Variants in LMX1A observed in about 807,000 individuals in gnomAD.
LMX1A encodes the protein LIM homeobox transcription factor 1-alpha.
LMX1A carries 15 observed loss-of-function variants against 49.1 expected under a neutral mutation model. That is an observed-to-expected ratio of 0.31 (90% confidence interval 0.20 to 0.47). The LOEUF is 0.47. LMX1A is among the 20% of genes least tolerant of loss of function. The pLI is 1.00. For missense variants in LMX1A, 372 were observed against 475.8 expected, an observed-to-expected ratio of 0.78 and a Z score of 2.03; for synonymous variants, 167 against 185.7, an observed-to-expected ratio of 0.90 and a Z score of 0.82.
intron 3 of LMX1A, 29 bp from the exon 4 acceptor site, chr1:165,249,669 C>A: frequency 6.3e-7 from 1 of 1,576,044 alleles, no homozygotes; most frequent in Non-Finnish European, 8.7e-7. Context: ...GAAGTACATG[C>A]ACCATGAGTA....
intron 3 of LMX1A, among the ~76,000 whole-genome samples, chr1:165,340,857 A>G (rs774442362): frequency 1.3e-5 from 2 of 152,004 alleles, no homozygotes; most frequent in African/African-American, 4.8e-5. Context: ...TTCTCTCTTT[A>G]TCACCCCTTT....
At position 165,355,801 on chromosome 1, in the gene LMX1A, A is replaced by C; in HGVS notation, c.-22-220T>G. 1.9e-6 allele frequency: 1 copy of C among 531,972 alleles called. No homozygotes were observed. The highest frequency in any genetic ancestry group is 3.3e-6 in the Non-Finnish European group (1 of 300,128). 33.0% of individuals were successfully genotyped at this position (531,972 alleles called of 1,614,324 possible). ...TTCACTTGAAGTCAACACGTTATGT[A>C]CTTAGGCCTCCGCCCCCCAACTGCG... On this transcript the variant is annotated intron_variant, in intron 1 of 8. Coordinates refer to ENST00000342310, the MANE Select transcript of LMX1A (RefSeq NM_177398.4). The surrounding 1 kb of genome is among the most constrained non-coding windows in gnomAD (Gnocchi z 4.7).
intron 3 of LMX1A, among the ~76,000 whole-genome samples, chr1:165,332,922 C>T (rs2101753994): frequency 6.6e-6 from 1 of 152,288 alleles, no homozygotes; most frequent in Non-Finnish European, 1.5e-5. Context: ...GTCTTACACA[C>T]AAAGCAGCTG....
At chr1:165,207,342 C>G (rs1651131284) in intron 7 of LMX1A, 1 of 152,080 alleles carries the variant, frequency 6.6e-6, no homozygotes, top group African/African-American at 2.4e-5. Context: ...CATGAAGTCT[C>G]CCACAGTCTG....
intron 3 of LMX1A, among the ~76,000 whole-genome samples, chr1:165,343,036 T>G (rs1656122362): frequency 1.3e-5 from 2 of 152,218 alleles, no homozygotes; most frequent in South Asian, 4.1e-4. Context: ...CTTTTAAAAC[T>G]GTTGTGAGGA....
chr1:165,236,702 C>G (rs1393880044), intron 4 of LMX1A, among the ~76,000 whole-genome samples: 2 of 151,738 alleles, frequency 1.3e-5, no homozygotes, highest in African/African-American at 4.8e-5. Context: ...ATTTCAACTC[C>G]ATCCCTCTGA....
intron 4 of LMX1A, among the ~76,000 whole-genome samples, chr1:165,242,929 C>CAAAAA (rs35937155): frequency 2.3e-4 from 26 of 115,166 alleles, no homozygotes; most frequent in African/African-American, 3.3e-4. Flanking sequence ...AACTCCACCT[C>CAAAAA]AAAAAAAAAA....
At chr1:165,214,674 G>A (rs1651575060) in intron 4 of LMX1A, among the ~76,000 whole-genome samples, 1 of 152,136 alleles carries the variant, frequency 6.6e-6, no homozygotes, top group South Asian at 2.1e-4. Context: ...ACTGCCAAGT[G>A]GTAGAAAATA....
intron 4 of LMX1A, among the ~76,000 whole-genome samples, chr1:165,222,288 C>T (rs185061636): frequency 6.6e-6 from 1 of 152,286 alleles, no homozygotes; most frequent in Admixed American, 6.5e-5. Flanking sequence ...GCTCAGAGCT[C>T]AGTCTAGATA....
At chr1:165,271,232 T>G (rs1334825966) in intron 3 of LMX1A, among the ~76,000 whole-genome samples, 1 of 152,172 alleles carries the variant, frequency 6.6e-6, no homozygotes, top group African/African-American at 2.4e-5. Flanking sequence ...AAGAACCCCC[T>G]GGTCCCAGCT....
At chr1:165,223,747 T>C (rs1256010103) in intron 4 of LMX1A, among the ~76,000 whole-genome samples, 2 of 152,056 alleles carry the variant, frequency 1.3e-5, no homozygotes, top group African/African-American at 2.4e-5. Flanking sequence ...TTGTATGTTG[T>C]CTTACATTAT....
Position 165,223,178 on chromosome 1 carries a change from A to T in LMX1A, c.497-9365T>A, listed in dbSNP as rs117248547. On this transcript the variant is annotated intron_variant, in intron 4 of 8. Transcript: ENST00000342310. ...ACTTTTCTCTTTGTAAAATCAGAAT[A>T]ATAAAGATCTGTCAAGCCACCCTGA... is the stretch of plus-strand genomic sequence containing the variant. Among the ~76,000 whole-genome samples the T allele has an allele frequency of 1.6e-3, 237 of 152,374 alleles. 2 individuals carry two copies. Among genetic ancestry groups the T allele is most frequent in the Admixed American group, 0.013 (198 of 15,306 alleles).
In LMX1A at chr1:165,261,274, A is replaced by T. The variant is rs536608018; in HGVS notation, c.264-11634T>A. Among the ~76,000 whole-genome samples, 12 of 152,276 alleles carry T rather than the reference A, an allele frequency of 7.9e-5. No individual in the cohort carries two copies. The South Asian group carries it at 2.5e-3, about 32-fold the overall frequency. On this transcript the variant is annotated intron_variant, in intron 3 of 8. Coordinates refer to ENST00000342310, the MANE Select transcript of LMX1A (RefSeq NM_177398.4). ...AATATTTATATCCTTCAATTTTTTA[A>T]CACTTTTTATTCTTCAACTCTCTCC...
intron 7 of LMX1A, 22 bp from the exon 8 acceptor site, chr1:165,206,056 A>C (rs780434959): frequency 1.3e-6 from 2 of 1,513,858 alleles, no homozygotes; most frequent in Non-Finnish European, 1.8e-6. Context: ...AGAAGAAGCC[A>C]GGTCATTCTC....
At chr1:165,309,867 C>T (rs796619814) in intron 3 of LMX1A, among the ~76,000 whole-genome samples, 11 of 152,176 alleles carry the variant, frequency 7.2e-5, no homozygotes, top group Admixed American at 3.9e-4. Flanking sequence ...ACTGCCTTCA[C>T]GAGAAAAAAA....
intron 3 of LMX1A, among the ~76,000 whole-genome samples, chr1:165,267,044 T>C (rs1653648931): frequency 6.6e-6 from 1 of 152,126 alleles, no homozygotes; most frequent in Non-Finnish European, 1.5e-5. Context: ...AAGGGAACAA[T>C]TCTATGATAT....
At chr1:165,207,163 C>T (rs768784739) in intron 7 of LMX1A, among the ~76,000 whole-genome samples, 2 of 152,172 alleles carry the variant, frequency 1.3e-5, no homozygotes, top group African/African-American at 2.4e-5. Flanking sequence ...CTGCACCTTA[C>T]CAAAATCGCA....
chr1:165,271,026 C>A (rs1379630052), intron 3 of LMX1A, among the ~76,000 whole-genome samples: 6 of 152,146 alleles, frequency 3.9e-5, no homozygotes, highest in Non-Finnish European at 7.4e-5. Context: ...GCAAAGAGAA[C>A]CCTGATTTTA....
chr1:165,278,971 C>T lies in LMX1A; in HGVS notation c.264-29331G>A, dbSNP rs555317549. On this transcript the variant is annotated intron_variant, in intron 3 of 8. Coordinates refer to ENST00000342310, the MANE Select transcript of LMX1A (RefSeq NM_177398.4). The stretch of plus-strand genomic sequence containing the variant: ...GAGGGAACCTCAGCCCAGGAGGGCA[C>T]CAGGAAAGAGCTACTCTGCATCAAA... 3.9e-5 allele frequency among the ~76,000 whole-genome samples: 6 copies of T among 152,272 alleles called. 1 individual carries two copies. In the East Asian group the frequency reaches 7.7e-4, roughly 20 times the overall value.
Sources: allele counts gnomAD v4.1 joint callset (sites outside exome capture counted in the v4.1 genomes callset), GRCh38; gene constraint gnomAD v4.1.1; non-coding constraint Gnocchi (gnomAD v3.1); transcripts MANE v1.5; gene names NCBI Gene and HGNC (gene_info 2026-07-23, HGNC 2026-07-21).